LRRFIP2: variants seen among roughly 807,000 people sequenced by gnomAD.
LRRFIP2 encodes the protein leucine-rich repeat flightless-interacting protein 2.
Under a neutral mutation model 125.9 loss-of-function variants are expected in LRRFIP2, and 109 were observed. That is an observed-to-expected ratio of 0.87 (90% CI 0.74 to 1.01). LRRFIP2 has a LOEUF of 1.01. LRRFIP2 is among the 50% of genes least tolerant of loss of function. The probability of loss-of-function intolerance (pLI) is 0.00; values close to 1 mark genes in which losing one functional copy is unlikely to be tolerated. For missense variants in LRRFIP2, 850 were observed against 862.3 expected (o/e 0.99, Z 0.18); for synonymous variants, 291 against 293.1 (o/e 0.99, Z 0.07).
At chr3:37,156,121 T>C (rs2096182940) in intron 1 of LRRFIP2, among the ~76,000 whole-genome samples, 1 of 152,054 alleles carries the variant, frequency 6.6e-6, no homozygotes, top group African/African-American at 2.4e-5. Context: ...GCAATCCACC[T>C]GCCTCAGCTT....
chr3:37,136,971 GGT>G (rs2095571821), intron 2 of LRRFIP2, among the ~76,000 whole-genome samples: 2 of 100,382 alleles, frequency 2.0e-5, no homozygotes, highest in Non-Finnish European at 4.2e-5. Context: ...GGGGTGGGGG[GGT>G]GGGGGGGGGG....
chr3:37,129,580 C>T (rs2095373637), intron 2 of LRRFIP2, among the ~76,000 whole-genome samples: 3 of 152,214 alleles, frequency 2.0e-5, no homozygotes. Context: ...TCAAACCCAT[C>T]TCAGCTTTCT....
chr3:37,102,264 A>ACT (rs2094101412), intron 15 of LRRFIP2, among the ~76,000 whole-genome samples: 1 of 152,138 alleles, frequency 6.6e-6, no homozygotes. Context: ...TTTATTGGGA[A>ACT]ATGACATGAC....
rs2094529364 is a variant in LRRFIP2, at chr3:37,111,048, G to A, written c.456C>T (p.Asp152=). ...GTCTAAGACTGCTATAGTTTCTCTGGTCAAAGTAGAGGCCACTCTGCAAAA... is the reference window on the plus strand; with the variant it reads ...GTCTAAGACTGCTATAGTTTCTCTGATCAAAGTAGAGGCCACTCTGCAAAA... ...HKDLLSGLYF[D]QRNYSSLRHS... The change falls in exon 9 of 28, where the codon GAC becomes GAT. Residue 152 remains aspartate, a synonymous_variant. Coordinates refer to ENST00000336686, the MANE Select transcript of LRRFIP2 (RefSeq NM_006309.4). 6.2e-7 allele frequency: 1 copy of A among 1,613,482 alleles called. No homozygotes were observed. Among genetic ancestry groups the A allele is most frequent in the African/African-American group, 1.3e-5 (1 of 74,874 alleles).
intron 4 of LRRFIP2, among the ~76,000 whole-genome samples, chr3:37,125,919 G>A (rs1209741042): frequency 6.6e-6 from 1 of 152,146 alleles, no homozygotes; most frequent in Non-Finnish European, 1.5e-5. Context: ...AAAGATAAAT[G>A]AGCAGAAGAA....
At chr3:37,145,760 A>G (rs2095842409) in intron 2 of LRRFIP2, among the ~76,000 whole-genome samples, 1 of 152,216 alleles carries the variant, frequency 6.6e-6, no homozygotes, top group African/African-American at 2.4e-5. Flanking sequence ...GTGGAATTAG[A>G]GAAGACTGAT....
In LRRFIP2 at chr3:37,056,194, C is replaced by G. The variant is rs368124537; in HGVS notation, c.1871-1029G>C. ...GTGTTATGGGTAGAGCTATAAGTTA[C>G]TAGATGAACATCTGACCTAGGAAGT... On this transcript the variant is annotated intron_variant, in intron 25 of 27. Transcript: ENST00000336686. Among the ~76,000 whole-genome samples, 17 of 152,206 alleles carry G rather than the reference C, an allele frequency of 1.1e-4. No homozygotes were observed. The East Asian group carries it at 2.3e-3, about 21-fold the overall frequency.
chr3:37,114,990 T>C, intron 7 of LRRFIP2, 64 bp downstream of exon 7: 3 of 1,229,914 alleles, frequency 2.4e-6, no homozygotes, highest in Non-Finnish European at 3.6e-6. Context: ...TATTCTATAA[T>C]TAGCATCAAC....
chr3:37,105,548 GAA>G, intron 13 of LRRFIP2, 25 bp from the exon 14 acceptor site: 1 of 1,586,002 alleles, frequency 6.3e-7, no homozygotes, highest in Non-Finnish European at 8.7e-7. Flanking sequence ...TGCAGATAAT[GAA>G]AAAGATGCAA....
At chr3:37,111,233 T>C (rs1262369551) in intron 8 of LRRFIP2, among the ~76,000 whole-genome samples, 168 bp from the exon 9 acceptor site, 2 of 152,222 alleles carry the variant, frequency 1.3e-5, no homozygotes, top group Non-Finnish European at 2.9e-5. Context: ...GTGACAATTA[T>C]TTCAAGCCCC....
intron 8 of LRRFIP2, chr3:37,111,840 C>T (rs1576785887): frequency 6.5e-6 from 1 of 153,002 alleles, no homozygotes; most frequent in East Asian, 1.9e-4. Context: ...CCCCAGAGAT[C>T]CCAAGACCCT....
chr3:37,068,150 T>C (rs1005677873), intron 21 of LRRFIP2: 1 of 152,240 alleles, frequency 6.6e-6, no homozygotes, highest in African/African-American at 2.4e-5. Flanking sequence ...AACTGAAACA[T>C]TGGGAAAACA....
At chr3:37,096,823 T>C (rs2093742705) in intron 15 of LRRFIP2, among the ~76,000 whole-genome samples, 163 bp from the exon 16 acceptor site, 1 of 152,060 alleles carries the variant, frequency 6.6e-6, no homozygotes, top group Non-Finnish European at 1.5e-5. Context: ...TAAGATAAAA[T>C]GTCAGCAACT....
Position 37,105,507 on chromosome 3 carries a change from G to C in LRRFIP2, c.731C>G (p.Thr244Ser). ...ACGATCAGAAGACACAATGCTTGCA[G>C]TGTCATCGTTGGTAAACTATAGATA... ...RSSPGFTNDDTASIVSSDRAS... is the reference protein window; with the variant it reads ...RSSPGFTNDDSASIVSSDRAS... Residue 244 changes from threonine to serine, a missense_variant, in exon 14 of 28, where the codon ACT becomes AGT. Physicochemically the swap from Thr to Ser is moderately conservative, Grantham distance 58 (BLOSUM62 1). Coordinates refer to ENST00000336686, the MANE Select transcript of LRRFIP2 (RefSeq NM_006309.4). The C allele has an allele frequency of 6.2e-7, 1 of 1,613,590 alleles. No individual in the cohort carries two copies. The highest frequency in any genetic ancestry group is 1.1e-5 in the South Asian group (1 of 91,080).
At chr3:37,156,344 A>G (rs1407581509) in intron 1 of LRRFIP2, among the ~76,000 whole-genome samples, 7 of 151,866 alleles carry the variant, frequency 4.6e-5, no homozygotes, top group Non-Finnish European at 1.0e-4. Context: ...ATTTTTTATA[A>G]TAAAATGTTG....
chr3:37,124,917 C>G (rs2095217836), intron 4 of LRRFIP2, among the ~76,000 whole-genome samples: 1 of 152,102 alleles, frequency 6.6e-6, no homozygotes, highest in Non-Finnish European at 1.5e-5. Flanking sequence ...TTACAGCAAA[C>G]TGTGTTCTTA....
chr3:37,103,588 G>A (rs780573179), intron 14 of LRRFIP2, among the ~76,000 whole-genome samples: 4 of 152,198 alleles, frequency 2.6e-5, no homozygotes, highest in Non-Finnish European at 5.9e-5. Context: ...CTTAGGCCTT[G>A]GCACTGGCCT....
At chr3:37,152,861 G>A (rs939574565) in intron 1 of LRRFIP2, among the ~76,000 whole-genome samples, 1 of 152,124 alleles carries the variant, frequency 6.6e-6, no homozygotes, top group Non-Finnish European at 1.5e-5. Context: ...ATGCACTATG[G>A]TATCATCCAA....
intron 11 of LRRFIP2, among the ~76,000 whole-genome samples, chr3:37,108,903 T>A (rs1413494263): frequency 2.0e-5 from 3 of 152,324 alleles, no homozygotes; most frequent in African/African-American, 7.2e-5. Context: ...CTGGTTACAG[T>A]ATTTTCTTTC....
Sources: gnomAD v4.1 joint callset for allele counts (sites outside exome capture counted in the v4.1 genomes callset) on GRCh38, gnomAD v4.1.1 for gene constraint, MANE v1.5 for transcripts, NCBI Gene and HGNC (gene_info 2026-07-23, HGNC 2026-07-21) for gene names.